RBMS3: variants seen among roughly 807,000 people sequenced by gnomAD.
The protein encoded by RBMS3 is RNA binding motif single stranded interacting protein 3.
A neutral mutation model predicts 66.8 loss-of-function variants in RBMS3; 27 were observed. That is an observed-to-expected ratio of 0.40 (90% CI 0.30 to 0.56). The LOEUF is 0.56. Ranked by LOEUF, RBMS3 falls within the 20% of genes least tolerant of loss-of-function variation. RBMS3 has a pLI of 0.40. For missense variants in RBMS3, 513 were observed against 549.5 expected, an observed-to-expected ratio of 0.93 and a Z score of 0.66; for synonymous variants, 188 against 183.0, an observed-to-expected ratio of 1.03 and a Z score of -0.22.
chr3:29,853,230 G>T (rs992619608), intron 6 of RBMS3, among the ~76,000 whole-genome samples: 12 of 152,000 alleles, frequency 7.9e-5, no homozygotes, highest in Non-Finnish European at 1.0e-4. Context: ...CCTGGATGAT[G>T]AAATAATCTG....
chr3:29,448,477 T>C (rs1197021023), intron 2 of RBMS3, among the ~76,000 whole-genome samples: 3 of 152,250 alleles, frequency 2.0e-5, no homozygotes, highest in South Asian at 2.1e-4. Flanking sequence ...CTCTTCTTTC[T>C]CTAACTCTAA....
In RBMS3 at chr3:29,419,024, C is replaced by T. The variant is rs1048180765; in HGVS notation, c.76-15719C>T. Among the ~76,000 whole-genome samples the T allele has an allele frequency of 2.0e-5, 3 of 152,006 alleles. No homozygotes were observed. In the South Asian group the frequency reaches 6.2e-4, roughly 32 times the overall value. On this transcript the variant is annotated intron_variant, in intron 1 of 14. Coordinates refer to ENST00000383767, the MANE Select transcript of RBMS3 (RefSeq NM_001003793.3). ...ACTCTGGGTAGTAAAATGTGTTTTCCTTTATTATAAAGAATACAGTTTACA... is the reference window on the plus strand; with the variant it reads ...ACTCTGGGTAGTAAAATGTGTTTTCTTTTATTATAAAGAATACAGTTTACA...
At chr3:29,292,400 G>A (rs1449869196) in intron 1 of RBMS3, among the ~76,000 whole-genome samples, 1 of 151,732 alleles carries the variant, frequency 6.6e-6, no homozygotes, top group Non-Finnish European at 1.5e-5. Flanking sequence ...GCACAAAGGG[G>A]TGAGTCTTAC....
chr3:29,762,870 G>T, intron 5 of RBMS3, 40 bp from the exon 6 acceptor site: 1 of 1,332,594 alleles, frequency 7.5e-7, no homozygotes, highest in South Asian at 1.3e-5. Flanking sequence ...TCTTTTTCTT[G>T]ACAACCATAT....
At chr3:29,468,200 C>T (rs777209319) in intron 2 of RBMS3, among the ~76,000 whole-genome samples, 8 of 151,990 alleles carry the variant, frequency 5.3e-5, no homozygotes, top group Non-Finnish European at 8.8e-5. Flanking sequence ...AGGAGTCTAC[C>T]GGCACTCTAC....
intron 4 of RBMS3, among the ~76,000 whole-genome samples, chr3:29,680,827 A>G (rs2051455649): frequency 6.6e-6 from 1 of 152,172 alleles, no homozygotes; most frequent in Non-Finnish European, 1.5e-5. Context: ...ACTAGAGTTC[A>G]ATGTTTCTAT....
At chr3:29,587,313 G>C in intron 4 of RBMS3, 108 bp downstream of exon 4, 3 of 601,300 alleles carry the variant, frequency 5.0e-6, no homozygotes, top group Non-Finnish European at 5.0e-6. Flanking sequence ...GAAGGAAGAA[G>C]GAGAGATTAA....
chr3:29,642,958 T>A (rs1047146286), intron 4 of RBMS3: 1 of 152,256 alleles, frequency 6.6e-6, no homozygotes, highest in Admixed American at 6.5e-5. Context: ...CCTGGCGATG[T>A]TCATTTACCA....
Position 29,721,596 on chromosome 3 carries a change from C to A in RBMS3, c.400-18124C>A, listed in dbSNP as rs1023232286. On this transcript the variant is annotated intron_variant, in intron 4 of 14. Transcript: ENST00000383767. ...GGAAAACTGCCCTGTTTCAGGGTCA[C>A]GGGTCTATCCATTTCTCTAAGATAG... 2.0e-5 allele frequency among the ~76,000 whole-genome samples: 3 copies of A among 152,228 alleles called. No individual in the cohort carries two copies. The East Asian group carries it at 5.8e-4, about 29-fold the overall frequency.
At chr3:29,609,425 T>A (rs1325751553) in intron 4 of RBMS3, among the ~76,000 whole-genome samples, 1 of 152,000 alleles carries the variant, frequency 6.6e-6, no homozygotes, top group Non-Finnish European at 1.5e-5. Flanking sequence ...ACAGTGATTC[T>A]GGGCATCCTA....
intron 6 of RBMS3, 48 bp downstream of exon 6, chr3:29,763,037 GCT>G (rs765710298): frequency 5.4e-6 from 7 of 1,293,090 alleles, no homozygotes; most frequent in Non-Finnish European, 5.6e-6. Flanking sequence ...GGCTTAAATT[GCT>G]CTTATTAGAA....
intron 1 of RBMS3, among the ~76,000 whole-genome samples, chr3:29,358,515 A>C (rs1035849325): frequency 3.3e-5 from 5 of 152,052 alleles, no homozygotes; most frequent in African/African-American, 4.8e-5. Context: ...CTTAGGATTG[A>C]CTTGGCAATG....
chr3:29,588,998 G>A (rs547606474), intron 4 of RBMS3, among the ~76,000 whole-genome samples: 8 of 152,218 alleles, frequency 5.3e-5, no homozygotes, highest in Non-Finnish European at 1.0e-4. Flanking sequence ...GAAGTTAGCA[G>A]ATTGTAGCAC....
At chr3:29,669,550 C>A (rs60441415) in intron 4 of RBMS3, among the ~76,000 whole-genome samples, 11,891 of 152,112 alleles carry the variant, frequency 0.078, 831 homozygotes, top group African/African-American at 0.18. Flanking sequence ...TTTGTAATTT[C>A]CCTTAAGATC....
chr3:29,818,696 C>G (rs9854221), intron 6 of RBMS3, among the ~76,000 whole-genome samples: 3,455 of 152,186 alleles, frequency 0.023, 112 homozygotes, highest in African/African-American at 0.078. Flanking sequence ...CATACCATAA[C>G]TATTGGTTAA....
chr3:29,602,842 T>G (rs1331046076), intron 4 of RBMS3, among the ~76,000 whole-genome samples: 1 of 152,002 alleles, frequency 6.6e-6, no homozygotes, highest in Non-Finnish European at 1.5e-5. Flanking sequence ...TCATTGATTT[T>G]CTACAGAGTA....
chr3:29,872,955 A>G (rs1276071822), intron 7 of RBMS3, among the ~76,000 whole-genome samples: 1 of 152,036 alleles, frequency 6.6e-6, no homozygotes, highest in Non-Finnish European at 1.5e-5. Flanking sequence ...CTATGTGCCT[A>G]TGTGTTTTTG....
chr3:29,498,503 G>A (rs2043846122), intron 3 of RBMS3, among the ~76,000 whole-genome samples: 1 of 152,062 alleles, frequency 6.6e-6, no homozygotes, highest in South Asian at 2.1e-4. Flanking sequence ...TAAAATTTAT[G>A]TAAACTTGTA....
intron 7 of RBMS3, among the ~76,000 whole-genome samples, chr3:29,879,385 T>G (rs1356072390): frequency 6.6e-6 from 1 of 152,196 alleles, no homozygotes. Flanking sequence ...TATTGAATTT[T>G]TAATCTTAAC....
Sources: allele counts gnomAD v4.1 joint callset (sites outside exome capture counted in the v4.1 genomes callset), GRCh38; gene constraint gnomAD v4.1.1; transcripts MANE v1.5; gene names NCBI Gene and HGNC (gene_info 2026-07-23, HGNC 2026-07-21).